The following SMIM21 variants were observed in gnomAD, a reference collection of about 807,000 sequenced individuals.
The protein encoded by SMIM21 is small integral membrane protein 21.
Under a neutral mutation model 8.6 loss-of-function variants are expected in SMIM21, and 8 were observed. The ratio of observed to expected loss-of-function variants is 0.93; its 90% confidence interval spans 0.55 to 1.68. The LOEUF (loss-of-function observed/expected upper bound fraction) is 1.68. SMIM21 is among the 40% of genes most tolerant of loss of function. The probability of loss-of-function intolerance (pLI) is 0.00; values close to 1 mark genes in which losing one functional copy is unlikely to be tolerated. For missense variants in SMIM21, 132 were observed against 123.0 expected (o/e 1.07, Z -0.35); for synonymous variants, 43 against 41.7 (o/e 1.03, Z -0.12).
intron 2 of SMIM21, among the ~76,000 whole-genome samples, chr18:75,413,554 G>A (rs978651412): frequency 1.3e-5 from 2 of 152,148 alleles, no homozygotes; most frequent in African/African-American, 2.4e-5. Flanking sequence ...TTGCTCTTAG[G>A]ATATTAGTAT....
chr18:75,425,296 T>A (rs2024750032), intron 1 of SMIM21, among the ~76,000 whole-genome samples: 1 of 152,078 alleles, frequency 6.6e-6, no homozygotes. Context: ...ACATAAGAAC[T>A]CCTAGATGCA....
Position 75,410,656 on chromosome 18 carries a change from A to G in SMIM21, c.*208T>C. 4 of 1,349,412 alleles carry G rather than the reference A, an allele frequency of 3.0e-6. No homozygotes were observed. Among genetic ancestry groups the G allele is most frequent in the South Asian group, 1.9e-5 (1 of 53,300 alleles). 83.6% of individuals were successfully genotyped at this position (1,349,412 alleles called of 1,614,324 possible). On this transcript the variant is annotated 3_prime_UTR_variant, in exon 3 of 3. Transcript: ENST00000579022. ...CAGCTCTCCTCCGGAATATTCCTGA[A>G]CAGAAAAAGGAAGAGTGCCCCTCAA...
At chr18:75,425,866 C>G (rs1168900013) in intron 1 of SMIM21, among the ~76,000 whole-genome samples, 2 of 152,176 alleles carry the variant, frequency 1.3e-5, no homozygotes, top group African/African-American at 4.8e-5. Flanking sequence ...ATGGAGGGGA[C>G]AGGGACAGTC....
chr18:75,413,877 T>C (rs1480819672), intron 2 of SMIM21, among the ~76,000 whole-genome samples: 1 of 152,172 alleles, frequency 6.6e-6, no homozygotes, highest in African/African-American at 2.4e-5. Context: ...TGTAGACACC[T>C]CAAATATGTT....
intron 2 of SMIM21, chr18:75,417,801 C>T (rs772803175): frequency 1.6e-4 from 26 of 163,894 alleles, no homozygotes; most frequent in African/African-American, 6.0e-4. Context: ...ATATAATGTT[C>T]CAATTAAGAA....
chr18:75,423,607 C>T (rs896774872), intron 1 of SMIM21, among the ~76,000 whole-genome samples: 17 of 152,206 alleles, frequency 1.1e-4, no homozygotes, highest in African/African-American at 3.9e-4. Flanking sequence ...GGGAAAACAG[C>T]GAGAAGGTGA....
At position 75,409,862 on chromosome 18, in the gene SMIM21, C is replaced by T. The variant is rs1229270159; in HGVS notation, c.*1002G>A. 6.6e-6 allele frequency: 1 copy of T among 152,510 alleles called. No individual in the cohort carries two copies. The highest frequency in any genetic ancestry group is 1.5e-5 in the Non-Finnish European group (1 of 68,072). The allele number at this position is 152,510 out of a possible 1,614,324, so 9.4% of individuals were successfully genotyped here. On this transcript the variant is annotated 3_prime_UTR_variant, in exon 3 of 3. Coordinates refer to ENST00000579022, the MANE Select transcript of SMIM21 (RefSeq NM_001037331.3). ...CAGGCTGCACTGTGAGTTCTGAATC[C>T]CTGGCTCCCCAGCCGGACTCTTCAG...
chr18:75,422,481 A>G (rs1300055425), intron 1 of SMIM21, among the ~76,000 whole-genome samples: 1 of 152,226 alleles, frequency 6.6e-6, no homozygotes, highest in Non-Finnish European at 1.5e-5. Flanking sequence ...CAAGAGAAGT[A>G]AAAACATATG....
chr18:75,421,104 G>A (rs1018682064), intron 1 of SMIM21, among the ~76,000 whole-genome samples: 4 of 152,162 alleles, frequency 2.6e-5, no homozygotes, highest in East Asian at 1.9e-4. Flanking sequence ...TGGGTTGATC[G>A]CGAAGCAGTT....
chr18:75,418,278 G>T (rs940625170), intron 2 of SMIM21: 1 of 397,434 alleles, frequency 2.5e-6, no homozygotes, highest in Non-Finnish European at 4.4e-6. Flanking sequence ...ACACTTATCT[G>T]TTGGTACACA....
rs2024567263 is a variant in SMIM21, at chr18:75,410,140, A to T, written c.*724T>A. Reference sequence around the variant, plus strand: ...ACAAGGTAATTAAGTCAGCCACAATATAAGAAAACTCATCTGCCTCGACTT... The same window carrying T: ...ACAAGGTAATTAAGTCAGCCACAATTTAAGAAAACTCATCTGCCTCGACTT... On this transcript the variant is annotated 3_prime_UTR_variant, in exon 3 of 3. Transcript: ENST00000579022. The T allele has an allele frequency of 6.5e-6, 1 of 152,674 alleles. No homozygotes were observed. Among genetic ancestry groups the T allele is most frequent in the Admixed American group, 6.5e-5 (1 of 15,290 alleles). 9.5% of individuals were successfully genotyped at this position (152,674 alleles called of 1,614,324 possible). A position where few individuals can be genotyped will look rare whatever the true frequency, so the allele number is the denominator to read the frequency against.
At chr18:75,413,890 A>G (rs972425510) in intron 2 of SMIM21, among the ~76,000 whole-genome samples, 9 of 152,318 alleles carry the variant, frequency 5.9e-5, no homozygotes, top group Non-Finnish European at 1.2e-4. Flanking sequence ...AATATGTTTA[A>G]TAAATTAATC....
chr18:75,426,382 T>C (rs1480399868), intron 1 of SMIM21, among the ~76,000 whole-genome samples: 1 of 151,976 alleles, frequency 6.6e-6, no homozygotes, highest in Non-Finnish European at 1.5e-5. Flanking sequence ...CAATCTCGGC[T>C]CACTGCAAGC....
chr18:75,419,255 C>T (rs753787613), intron 1 of SMIM21, among the ~76,000 whole-genome samples: 17 of 152,238 alleles, frequency 1.1e-4, no homozygotes, highest in South Asian at 4.1e-4. Context: ...AGGTTTCTCA[C>T]GGCTTTTAAA....
intron 2 of SMIM21, among the ~76,000 whole-genome samples, chr18:75,418,498 T>G (rs1041816206): frequency 1.7e-4 from 26 of 152,194 alleles, no homozygotes; most frequent in African/African-American, 6.3e-4. Flanking sequence ...GCTCATCCTG[T>G]CTCAAGGAGC....
intron 2 of SMIM21, among the ~76,000 whole-genome samples, chr18:75,415,155 C>T (rs1453027300): frequency 1.3e-5 from 2 of 152,086 alleles, no homozygotes; most frequent in Non-Finnish European, 2.9e-5. Flanking sequence ...ACAAAAACAC[C>T]AGAAAGGATT....
At chr18:75,416,569 C>T (rs1306195555) in intron 2 of SMIM21, 1 of 152,170 alleles carries the variant, frequency 6.6e-6, no homozygotes, top group Non-Finnish European at 1.5e-5. Context: ...CAGAAATGTT[C>T]CTCCATCTTT....
At chr18:75,414,707 G>T (rs4591241) in intron 2 of SMIM21, among the ~76,000 whole-genome samples, 1 of 152,046 alleles carries the variant, frequency 6.6e-6, no homozygotes, top group African/African-American at 2.4e-5. Context: ...GTTGTTTTGT[G>T]TCTGTTTTTG....
chr18:75,412,131 G>A (rs979183360), intron 2 of SMIM21, among the ~76,000 whole-genome samples: 3 of 152,080 alleles, frequency 2.0e-5, no homozygotes, highest in African/African-American at 7.2e-5. Context: ...TGAGCTTCCA[G>A]GATCAACACT....
Sources: gnomAD v4.1 joint callset for allele counts (sites outside exome capture counted in the v4.1 genomes callset) on GRCh38, gnomAD v4.1.1 for gene constraint, MANE v1.5 for transcripts, NCBI Gene and HGNC (gene_info 2026-07-23, HGNC 2026-07-21) for gene names.